The following SHLD2 variants were observed in gnomAD, a reference collection of about 807,000 sequenced individuals.
SHLD2 encodes shieldin complex subunit 2.
A neutral mutation model predicts 73.2 loss-of-function variants in SHLD2; 30 were observed. That is an observed-to-expected ratio of 0.41 (90% confidence interval 0.31 to 0.56). SHLD2 has a LOEUF of 0.56. SHLD2 is among the 20% of genes least tolerant of loss of function. The pLI, the probability that SHLD2 is intolerant of heterozygous loss-of-function variation, is 0.28. For synonymous variants in SHLD2, 285 were observed against 370.1 expected, an observed-to-expected ratio of 0.77 and a Z score of 2.64; for missense variants, 745 against 1,055.9, an observed-to-expected ratio of 0.71 and a Z score of 4.08.
At chr10:87,148,833 A>G (rs1320169593) in intron 2 of SHLD2, among the ~76,000 whole-genome samples, 1 of 151,792 alleles carries the variant, frequency 6.6e-6, no homozygotes, top group Non-Finnish European at 1.5e-5. Context: ...ATTCATTATC[A>G]TGGTAATGTT....
intron 2 of SHLD2, among the ~76,000 whole-genome samples, chr10:87,146,214 G>A (rs1212780599): frequency 6.6e-6 from 1 of 152,188 alleles, no homozygotes; most frequent in African/African-American, 2.4e-5. Flanking sequence ...CCCACAGCCT[G>A]TGGGGCTGCA....
chr10:87,135,058 T>C (rs1844706394), intron 2 of SHLD2, among the ~76,000 whole-genome samples: 1 of 151,986 alleles, frequency 6.6e-6, no homozygotes, highest in Non-Finnish European at 1.5e-5. Flanking sequence ...ATTTTTGAAA[T>C]AGTTTCAGAT....
intron 2 of SHLD2, among the ~76,000 whole-genome samples, chr10:87,148,462 G>C (rs1178166515): frequency 6.6e-6 from 1 of 151,408 alleles, no homozygotes; most frequent in Non-Finnish European, 1.5e-5. Flanking sequence ...AAGGTCATTG[G>C]TTTCCATAGT....
intron 2 of SHLD2, among the ~76,000 whole-genome samples, chr10:87,112,374 C>G (rs1418053001): frequency 1.2e-4 from 18 of 151,960 alleles, no homozygotes; most frequent in African/African-American, 4.4e-4. Flanking sequence ...AAATAAAAAT[C>G]ACAGTGAGGC....
chr10:87,166,607 G>T (rs1399549294), intron 4 of SHLD2, among the ~76,000 whole-genome samples: 2 of 152,188 alleles, frequency 1.3e-5, no homozygotes, highest in East Asian at 3.8e-4. Context: ...GATTTCAAGG[G>T]CTCAGTGGCT....
At chr10:87,132,594 G>A (rs1324829627) in intron 2 of SHLD2, among the ~76,000 whole-genome samples, 1 of 152,058 alleles carries the variant, frequency 6.6e-6, no homozygotes, top group Non-Finnish European at 1.5e-5. Flanking sequence ...GGGCAACATG[G>A]TGAAACCCCA....
At chr10:87,166,029 A>G (rs1158434857) in intron 4 of SHLD2, among the ~76,000 whole-genome samples, 1 of 152,126 alleles carries the variant, frequency 6.6e-6, no homozygotes, top group Non-Finnish European at 1.5e-5. Flanking sequence ...TAACTTCATA[A>G]AGAGTGTCTT....
chr10:87,114,942 GA>G (rs1389622042), intron 2 of SHLD2, among the ~76,000 whole-genome samples: 1 of 152,228 alleles, frequency 6.6e-6, no homozygotes, highest in Admixed American at 6.5e-5. Context: ...GACTTAGTGG[GA>G]AACATTTTGG....
chr10:87,106,206 T>C (rs1221914646), intron 2 of SHLD2, among the ~76,000 whole-genome samples: 4 of 152,202 alleles, frequency 2.6e-5, no homozygotes, highest in Admixed American at 6.5e-5. Context: ...GGTTTCACCA[T>C]GTTGGCCAGG....
intron 9 of SHLD2, among the ~76,000 whole-genome samples, chr10:87,188,134 T>G (rs1045494156): frequency 1.3e-5 from 2 of 152,184 alleles, no homozygotes; most frequent in Non-Finnish European, 2.9e-5. Context: ...GGAGCAGGGT[T>G]GTTCCTCTTT....
intron 2 of SHLD2, among the ~76,000 whole-genome samples, chr10:87,105,416 T>A (rs942205844): frequency 6.6e-6 from 1 of 152,202 alleles, no homozygotes; most frequent in African/African-American, 2.4e-5. Context: ...ATGAAAGACA[T>A]GTCAATGAAG....
chr10:87,144,739 G>A (rs1845465359), intron 2 of SHLD2, among the ~76,000 whole-genome samples: 1 of 143,026 alleles, frequency 7.0e-6, no homozygotes, highest in Admixed American at 7.5e-5. Context: ...CCATGCTCCT[G>A]CCTCAGCCTC....
intron 2 of SHLD2, among the ~76,000 whole-genome samples, chr10:87,122,170 T>C (rs1843677455): frequency 1.1e-5 from 1 of 88,000 alleles, no homozygotes; most frequent in Admixed American, 1.5e-4. Flanking sequence ...CTCCACTGAC[T>C]GTCAAAAAAA....
At chr10:87,156,958 G>T (rs1224981499) in intron 3 of SHLD2, among the ~76,000 whole-genome samples, 2 of 152,152 alleles carry the variant, frequency 1.3e-5, no homozygotes, top group Non-Finnish European at 2.9e-5. Flanking sequence ...CACCTGTTGG[G>T]AGGGAAAGGA....
chr10:87,184,363 C>G (rs972609623), intron 8 of SHLD2, among the ~76,000 whole-genome samples: 2 of 151,828 alleles, frequency 1.3e-5, no homozygotes, highest in Non-Finnish European at 2.9e-5. Flanking sequence ...CATTATGTAC[C>G]ATATCCCACA....
chr10:87,098,376 G>A (rs1433553772), intron 2 of SHLD2, among the ~76,000 whole-genome samples: 5 of 152,012 alleles, frequency 3.3e-5, no homozygotes, highest in Admixed American at 3.3e-4. Context: ...AGCCTGGTGT[G>A]ATGGTGAATC....
chr10:87,178,341 T>A (rs1241575827), intron 7 of SHLD2, among the ~76,000 whole-genome samples: 1 of 151,814 alleles, frequency 6.6e-6, no homozygotes, highest in Non-Finnish European at 1.5e-5. Context: ...GAGACTCTAC[T>A]TGGGTGATGA....
chr10:87,180,444 T>C (rs758597870), intron 8 of SHLD2, 141 bp downstream of exon 8: 52 of 1,103,698 alleles, frequency 4.7e-5, no homozygotes, highest in Non-Finnish European at 6.6e-5. Flanking sequence ...TAGATAGCTA[T>C]TTATGGAAGC....
chr10:87,114,173 G>A (rs964345369), intron 2 of SHLD2: 3 of 152,176 alleles, frequency 2.0e-5, no homozygotes, highest in African/African-American at 7.2e-5. Flanking sequence ...AGAATGAGTT[G>A]CCAGAGAACT....
Sources: allele counts gnomAD v4.1 joint callset (sites outside exome capture counted in the v4.1 genomes callset), GRCh38; gene constraint gnomAD v4.1.1; transcripts MANE v1.5; gene names NCBI Gene and HGNC (gene_info 2026-07-23, HGNC 2026-07-21).